PDE10A: variants seen among roughly 807,000 people sequenced by gnomAD.
PDE10A encodes the protein cAMP and cAMP-inhibited cGMP 3',5'-cyclic phosphodiesterase 10A.
A neutral mutation model predicts 97.7 loss-of-function variants in PDE10A; 39 were observed. The ratio of observed to expected loss-of-function variants is 0.40; its 90% CI spans 0.31 to 0.52. PDE10A has a LOEUF of 0.52. Among genes scored for constraint, PDE10A ranks in the 20% least tolerant of loss-of-function variants. The pLI, the probability that PDE10A is intolerant of heterozygous loss-of-function variation, is 0.56. For synonymous variants in PDE10A, 371 were observed against 376.8 expected, an observed-to-expected ratio of 0.98 and a Z score of 0.18; for missense variants, 731 against 1,047.8, an observed-to-expected ratio of 0.70 and a Z score of 4.17.
At position 165,945,563 on chromosome 6, in the gene PDE10A, T is replaced by A. The variant is rs1225697451; in HGVS notation, c.-615+41966A>T. On this transcript the variant is annotated intron_variant, in intron 1 of 19. Transcript: ENST00000366882. ...AGGGTGTAGCCTTCATGAATGGGAT[T>A]GGTGCCCTTATAAAAGAAACCCCGT... Among the ~76,000 whole-genome samples the A allele has an allele frequency of 2.0e-5, 3 of 152,200 alleles. No individual in the cohort carries two copies. In the South Asian group the frequency reaches 6.2e-4, roughly 31 times the overall value.
chr6:165,778,514 C>T (rs770472958), intron 1 of PDE10A, among the ~76,000 whole-genome samples: 1 of 152,182 alleles, frequency 6.6e-6, no homozygotes, highest in Non-Finnish European at 1.5e-5. Flanking sequence ...CTCTGGACTT[C>T]CCCGAGCACA....
chr6:165,802,060 G>A (rs1001118228), intron 1 of PDE10A, among the ~76,000 whole-genome samples: 1 of 152,174 alleles, frequency 6.6e-6, no homozygotes, highest in Non-Finnish European at 1.5e-5. Flanking sequence ...ACCCATAACT[G>A]AGCAGAAAGA....
At chr6:165,357,033 T>C (rs191294679) in intron 18 of PDE10A, among the ~76,000 whole-genome samples, 1 of 152,304 alleles carries the variant, frequency 6.6e-6, no homozygotes, top group East Asian at 1.9e-4. Context: ...ATACACTTTT[T>C]ACAATATTAA....
At chr6:165,450,184 C>CTT in intron 4 of PDE10A, 58 bp downstream of exon 4, 1 of 1,272,848 alleles carries the variant, frequency 7.9e-7, no homozygotes, top group Non-Finnish European at 1.0e-6. Flanking sequence ...GTTTTTGCTG[C>CTT]TTTTTGTAAA....
chr6:165,618,959 GTAGAC>G (rs541408614), intron 1 of PDE10A, among the ~76,000 whole-genome samples: 27,910 of 142,014 alleles, frequency 0.2, 3,717 homozygotes, highest in African/African-American at 0.4. Flanking sequence ...GTAGTGCAGT[GTAGAC>G]TAGTGTAGTG....
chr6:165,440,215 T>C (rs1285624415), intron 5 of PDE10A, among the ~76,000 whole-genome samples: 3 of 152,228 alleles, frequency 2.0e-5, no homozygotes, highest in Admixed American at 6.5e-5. Context: ...TTTGTTTCCA[T>C]AATTCTTAAA....
intron 1 of PDE10A, among the ~76,000 whole-genome samples, chr6:165,943,176 AAAGAAAG>A (rs1371208927): frequency 0.029 from 1,622 of 55,444 alleles, 379 homozygotes; most frequent in African/African-American, 0.07. Context: ...AAGAAAGAAA[AAAGAAAG>A]AAAGAAAGAA....
Position 165,836,202 on chromosome 6 carries a change from T to C in PDE10A, c.-615+151327A>G, listed in dbSNP as rs575623240. Reference sequence around the variant, plus strand: ...AGCAAGACTCAGAGGGGACTGTAGATCGTCCAAGGCTACACCAGACCTCTT... The same window carrying C: ...AGCAAGACTCAGAGGGGACTGTAGACCGTCCAAGGCTACACCAGACCTCTT... On this transcript the variant is annotated intron_variant, in intron 1 of 19. Transcript: ENST00000366882. 3.9e-4 allele frequency among the ~76,000 whole-genome samples: 60 copies of C among 152,276 alleles called. 1 individual carries two copies. Among genetic ancestry groups the C allele is most frequent in the African/African-American group, 1.4e-3 (58 of 41,564 alleles).
chr6:165,931,359 G>A (rs2128490742), intron 1 of PDE10A, among the ~76,000 whole-genome samples: 1 of 152,328 alleles, frequency 6.6e-6, no homozygotes, highest in Middle Eastern at 3.4e-3. Flanking sequence ...TATAATAGGT[G>A]TTCAACACGT....
intron 1 of PDE10A, among the ~76,000 whole-genome samples, chr6:165,571,588 T>C (rs1172073082): frequency 2.0e-5 from 3 of 152,228 alleles, no homozygotes; most frequent in Non-Finnish European, 4.4e-5. Flanking sequence ...AGTTCTCTCA[T>C]TTGTGACCTC....
At chr6:165,511,007 T>C (rs1781476305) in intron 2 of PDE10A, among the ~76,000 whole-genome samples, 1 of 151,992 alleles carries the variant, frequency 6.6e-6, no homozygotes, top group Admixed American at 6.6e-5. Context: ...TTTTTAGTCT[T>C]ATAATTTTTT....
intron 18 of PDE10A, among the ~76,000 whole-genome samples, chr6:165,370,914 G>C (rs1290041212): frequency 6.8e-6 from 1 of 146,994 alleles, no homozygotes; most frequent in Non-Finnish European, 1.5e-5. Flanking sequence ...TAGAACTCAG[G>C]GTTAAGAAAC....
At chr6:165,549,603 C>A (rs75865646) in intron 1 of PDE10A, among the ~76,000 whole-genome samples, 14,004 of 152,210 alleles carry the variant, frequency 0.092, 683 homozygotes, top group African/African-American at 0.11. Context: ...GGATCACAGA[C>A]GTGAGCCACC....
In PDE10A at chr6:165,631,439, T is replaced by C. The variant is rs1047123004; in HGVS notation, c.865+30508A>G. Among the ~76,000 whole-genome samples, 6 of 152,168 alleles carry C rather than the reference T, an allele frequency of 3.9e-5. No homozygotes were observed. The East Asian group carries it at 5.8e-4, about 15-fold the overall frequency. ...TCATCCTCAGCATCTATCCTGAGAG[T>C]AGAGGTGGGGGCATCAAGATATCCA... is the stretch of plus-strand genomic sequence containing the variant. On this transcript the variant is annotated intron_variant, in intron 1 of 21. Coordinates refer to ENST00000539869, the MANE Select transcript of PDE10A (RefSeq NM_001385079.1).
chr6:165,338,887 T>C (rs1781807391), intron 20 of PDE10A, among the ~76,000 whole-genome samples: 1 of 152,224 alleles, frequency 6.6e-6, no homozygotes, highest in Non-Finnish European at 1.5e-5. Flanking sequence ...TTCTGTCCTC[T>C]GAGCACTAAG....
chr6:165,375,292 TC>T (rs1386375356), intron 18 of PDE10A, among the ~76,000 whole-genome samples: 1 of 152,162 alleles, frequency 6.6e-6, no homozygotes, highest in Admixed American at 6.5e-5. Flanking sequence ...AAGAAAAAAT[TC>T]TTCAAGGAAA....
Position 165,507,847 on chromosome 6 carries a change from TTC to T in PDE10A, c.995-25506_995-25505del, listed in dbSNP as rs562014537. ...CATATTTTAAAGTCTTATCAAGAAA[TTC>T]TGAGGCTACATACAAAATGTCATCT... is the stretch of plus-strand genomic sequence containing the variant. On this transcript the variant is annotated intron_variant, in intron 2 of 21. Coordinates refer to ENST00000539869, the MANE Select transcript of PDE10A (RefSeq NM_001385079.1). Among the ~76,000 whole-genome samples the T allele has an allele frequency of 1.8e-3, 277 of 152,136 alleles. 1 individual carries two copies. Among genetic ancestry groups the T allele is most frequent in the African/African-American group, 6.2e-3 (259 of 41,528 alleles).
chr6:165,430,876 C>A (rs1303124863), intron 8 of PDE10A, among the ~76,000 whole-genome samples: 4 of 151,730 alleles, frequency 2.6e-5, no homozygotes, highest in African/African-American at 9.7e-5. Context: ...AAAACCACCA[C>A]CAAAAAAAAT....
At chr6:165,791,414 CT>C (rs1778645317) in intron 1 of PDE10A, among the ~76,000 whole-genome samples, 1 of 152,150 alleles carries the variant, frequency 6.6e-6, no homozygotes, top group Non-Finnish European at 1.5e-5. Context: ...GCCACAATTT[CT>C]TTATCTACCT....
Sources: allele counts gnomAD v4.1 joint callset (sites outside exome capture counted in the v4.1 genomes callset), GRCh38; gene constraint gnomAD v4.1.1; transcripts MANE v1.5; gene names NCBI Gene and HGNC (gene_info 2026-07-23, HGNC 2026-07-21).